GNL1: variants seen among roughly 807,000 people sequenced by gnomAD.
GNL1 encodes G protein nucleolar 1, also known as guanine nucleotide-binding protein-like 1.
A neutral mutation model predicts 75.2 loss-of-function variants in GNL1; 21 were observed. The observed-to-expected ratio is 0.28, with a 90% CI of 0.20 to 0.40. The LOEUF is 0.40. GNL1 is among the 10% of genes least tolerant of loss of function. GNL1 has a pLI of 1.00. For synonymous variants in GNL1, 287 were observed against 303.4 expected (o/e 0.95, Z 0.56); for missense variants, 579 against 775.0 (o/e 0.75, Z 3.00).
Position 30,555,563 on chromosome 6 carries a change from G to A in GNL1, c.231C>T (p.Asp77=), listed in dbSNP as rs564589744. 7 of 1,613,270 alleles carry A rather than the reference G, an allele frequency of 4.3e-6. No individual in the cohort carries two copies. The South Asian group carries it at 7.7e-5, about 18-fold the overall frequency. ...CCCCCTCCCACCCTCACCGATTTGGGTCGTAGCCTCGTGGACCCAGCCCCT... is the reference window on the plus strand; with the variant it reads ...CCCCCTCCCACCCTCACCGATTTGGATCGTAGCCTCGTGGACCCAGCCCCT... ...PSQGLGPRGY[D]PNRYRLHFER... Residue 77 remains aspartate, a synonymous_variant, in exon 2 of 12, where the codon GAC becomes GAT. Transcript: ENST00000376621. The surrounding 1 kb of genome is among the most constrained non-coding windows in gnomAD (Gnocchi z 4.3).
At position 30,552,406 on chromosome 6, in the gene GNL1, C is replaced by G; in HGVS notation, c.1099+61G>C. 1 of 1,407,684 alleles carries G rather than the reference C, an allele frequency of 7.1e-7. No individual in the cohort carries two copies. The highest frequency in any genetic ancestry group is 9.9e-7 in the Non-Finnish European group (1 of 1,009,578). 87.2% of individuals were successfully genotyped at this position (1,407,684 alleles called of 1,614,324 possible). ...GAGACCTGATCGCCCTCTCTCTTCT[C>G]CGAATATGAAAACTCTGTACCTCCT... On this transcript the variant is annotated intron_variant, in intron 8 of 11. Transcript: ENST00000376621. This position sits in a 1 kb window ranked among gnomAD's most constrained non-coding sequence, Gnocchi z 4.5.
Position 30,546,474 on chromosome 6 carries a change from T to C in GNL1, c.1583-161A>G, listed in dbSNP as rs1308996471. On this transcript the variant is annotated intron_variant, in intron 11 of 11. Coordinates refer to ENST00000376621, the MANE Select transcript of GNL1 (RefSeq NM_005275.5). This position sits in a 1 kb window ranked among gnomAD's most constrained non-coding sequence, Gnocchi z 5.1. The stretch of plus-strand genomic sequence containing the variant: ...ATTCAACTTCCTATGTGCAGATTGC[T>C]GAACAGAACCTTTGTGCACATCAAC... The C allele has an allele frequency of 1.5e-6, 1 of 680,174 alleles. No homozygotes were observed. The highest frequency in any genetic ancestry group is 1.7e-5 in the South Asian group (1 of 59,322). The allele number at this position is 680,174 out of a possible 1,614,324, so 42.1% of individuals were successfully genotyped here.
Position 30,553,160 on chromosome 6 carries a change from C to T in GNL1, c.828G>A (p.Arg276=). The change falls in exon 7 of 12, where the codon AGG becomes AGA. Residue 276 remains arginine, a synonymous_variant. Coordinates refer to ENST00000376621, the MANE Select transcript of GNL1 (RefSeq NM_005275.5). The stretch of plus-strand genomic sequence containing the variant: ...GGGCCCGAGTCCATCCTCTCCCCCG[C>T]CTCCGACTCTTCTTCAAGACTGAGA... ...DPSSVLKKSR[R]RGRGWTRALG... 6.2e-7 allele frequency: 1 copy of T among 1,613,436 alleles called. No individual in the cohort carries two copies. The highest frequency in any genetic ancestry group is 8.5e-7 in the Non-Finnish European group (1 of 1,179,376).
rs1195959458 is a variant in GNL1 at position 30,553,073 on chromosome 6, G to C, written c.904+11C>G. Reference sequence around the variant, plus strand: ...ATGTCCTCCTACAGCCCTCCTCTAAGGGCCACATACCTTTCCCCACAGTGA... The same window carrying C: ...ATGTCCTCCTACAGCCCTCCTCTAACGGCCACATACCTTTCCCCACAGTGA... On this transcript the variant is annotated intron_variant, in intron 7 of 11. Coordinates refer to ENST00000376621, the MANE Select transcript of GNL1 (RefSeq NM_005275.5). 2.1e-5 allele frequency: 34 copies of C among 1,590,008 alleles called. No homozygotes were observed. The highest frequency in any genetic ancestry group is 2.9e-5 in the Non-Finnish European group (34 of 1,159,020).
chr6:30,554,697 C>G, intron 4 of GNL1, 51 bp from the exon 5 acceptor site: 1 of 1,596,290 alleles, frequency 6.3e-7, no homozygotes, highest in Non-Finnish European at 8.6e-7. Flanking sequence ...CCCTCTCCAG[C>G]CTGATCCCAA....
Position 30,554,559 on chromosome 6 carries a change from T to A in GNL1, c.600+16A>T. 1 of 1,513,866 alleles carries A rather than the reference T, an allele frequency of 6.6e-7. No homozygotes were observed. Among genetic ancestry groups the A allele is most frequent in the Non-Finnish European group, 9.2e-7 (1 of 1,089,528 alleles). 93.8% of individuals were successfully genotyped at this position (1,513,866 alleles called of 1,614,324 possible). On this transcript the variant is annotated intron_variant, in intron 5 of 11. Coordinates refer to ENST00000376621, the MANE Select transcript of GNL1 (RefSeq NM_005275.5). ...TTTCTCCCTCCTCCTTGCCCACCCT[T>A]ATCCCTAGTACTCACTGGATGTCGG...
At position 30,547,808 on chromosome 6, in the gene GNL1, A is replaced by G; in HGVS notation, c.1100-278T>C. On this transcript the variant is annotated intron_variant, in intron 8 of 11. Transcript: ENST00000376621. The surrounding 1 kb of genome is among the most constrained non-coding windows in gnomAD (Gnocchi z 5.5). Reference sequence around the variant, plus strand: ...TGGTCAGGATTAAATGAGATAACCAATACAACTTGTGTGGGTCAGTGCCTG... The same window carrying G: ...TGGTCAGGATTAAATGAGATAACCAGTACAACTTGTGTGGGTCAGTGCCTG... 2.0e-6 allele frequency: 1 copy of G among 501,804 alleles called. No individual in the cohort carries two copies. The highest frequency in any genetic ancestry group is 3.5e-6 in the Non-Finnish European group (1 of 286,914). The allele number at this position is 501,804 out of a possible 1,614,324, so 31.1% of individuals were successfully genotyped here.
rs1165174474 is a variant in GNL1 at position 30,555,167 on chromosome 6, G to C, written c.264C>G (p.Asp88Glu). 2 of 1,612,822 alleles carry C rather than the reference G, an allele frequency of 1.2e-6. No individual in the cohort carries two copies. The highest frequency in any genetic ancestry group is 1.1e-5 in the South Asian group (1 of 91,078). The change falls in exon 3 of 12, where the codon GAC becomes GAG. Residue 88 changes from aspartate to glutamate, a missense_variant. By Grantham distance (45) the Asp-to-Glu change is conservative. Coordinates refer to ENST00000376621, the MANE Select transcript of GNL1 (RefSeq NM_005275.5). This position sits in a 1 kb window ranked among gnomAD's most constrained non-coding sequence, Gnocchi z 4.3. The stretch of plus-strand genomic sequence containing the variant: ...TTCTCCTCTCTACCTCCTCCCTGCT[G>C]TCTCTCTCAAAATGCAGTCGGTATC... ...PNRYRLHFER[D>E]SREEVERRKR...
rs1435138987 is a variant in GNL1 at position 30,553,542 on chromosome 6, G to A, written c.616C>T (p.Pro206Ser). The change falls in exon 6 of 12, where the codon CCA (proline) becomes TCA (serine). Residue 206 changes from proline (P) to serine (S), a missense_variant. Transcript: ENST00000376621. ...CCAGTCACATACTCATAAAGTGCTG[G>A]CGGGAAATTCACAACCTAGGACAGA... ...DIRHPVVNFP[P>S]ALYEYVTGEL... 31 of 1,612,246 alleles carry A rather than the reference G, an allele frequency of 1.9e-5. No homozygotes were observed. The highest frequency in any genetic ancestry group is 2.5e-5 in the Non-Finnish European group (30 of 1,179,430).
chr6:30,553,367 G>A lies in GNL1; in HGVS notation c.791C>T (p.Pro264Leu), dbSNP rs759118409. The A allele has an allele frequency of 9.1e-5, 146 of 1,611,774 alleles. No homozygotes were observed. Among genetic ancestry groups the A allele is most frequent in the Non-Finnish European group, 1.2e-4 (145 of 1,179,714 alleles). Residue 264 changes from proline to leucine, a missense_variant, in exon 6 of 12, where the codon CCA (proline) becomes CTA (leucine). Transcript: ENST00000376621. ...FTSFPRDPRT[P>L]QDPSSVLKKS... ...CCACTCACCACTACTAGGGTCCTGTGGGGTGCGGGGGTCCCGAGGAAAAGA... is the reference window on the plus strand; with the variant it reads ...CCACTCACCACTACTAGGGTCCTGTAGGGTGCGGGGGTCCCGAGGAAAAGA...
In GNL1 at chr6:30,541,564, AT is replaced by A; in HGVS notation, c.*4507del. 6.6e-6 allele frequency: 1 copy of A among 152,302 alleles called. No homozygotes were observed. The highest frequency in any genetic ancestry group is 2.1e-4 in the South Asian group (1 of 4,834). 9.4% of individuals were successfully genotyped at this position (152,302 alleles called of 1,614,324 possible). A position where few individuals can be genotyped will look rare whatever the true frequency, so the allele number is the denominator to read the frequency against. On this transcript the variant is annotated 3_prime_UTR_variant, in exon 12 of 12. Coordinates refer to ENST00000376621, the MANE Select transcript of GNL1 (RefSeq NM_005275.5). ...GATTCCAAGGTAATTTAAACAGGCA[AT>A]TTCAGAGTGCTTCAAGATGAAGGCG...
Position 30,545,149 on chromosome 6 carries a change from T to C in GNL1, c.*923A>G, listed in dbSNP as rs1799377122. On this transcript the variant is annotated 3_prime_UTR_variant, in exon 12 of 12. Coordinates refer to ENST00000376621, the MANE Select transcript of GNL1 (RefSeq NM_005275.5). The stretch of plus-strand genomic sequence containing the variant: ...CACCCCCAAACCAGAGTAAATGGAA[T>C]TCAGGAGGCTGGTTCTGTGCCCGCC... 1 of 152,188 alleles carries C rather than the reference T, an allele frequency of 6.6e-6. No individual in the cohort carries two copies. The highest frequency in any genetic ancestry group is 2.1e-4 in the South Asian group (1 of 4,828). 9.4% of individuals were successfully genotyped at this position (152,188 alleles called of 1,614,324 possible).
chr6:30,556,029 C>G lies in GNL1; in HGVS notation c.73+102G>C, dbSNP rs1460771849. On this transcript the variant is annotated intron_variant, in intron 1 of 11. Transcript: ENST00000376621. The surrounding 1 kb of genome is among the most constrained non-coding windows in gnomAD (Gnocchi z 5.7). ...TAGGCCGCGAGGGTTGACGCGGTCC[C>G]ACGACCCCCTCCCACGATCCCCAGA... 2.8e-6 allele frequency: 4 copies of G among 1,432,906 alleles called. No homozygotes were observed. The highest frequency in any genetic ancestry group is 3.9e-6 in the Non-Finnish European group (4 of 1,036,158). The allele number at this position is 1,432,906 out of a possible 1,614,324, so 88.8% of individuals were successfully genotyped here.
Position 30,556,171 on chromosome 6 carries a change from C to T in GNL1, c.33G>A (p.Gln11=), listed in dbSNP as rs762467666. 1.9e-6 allele frequency: 3 copies of T among 1,605,788 alleles called. No individual in the cohort carries two copies. The Admixed American group carries it at 5.0e-5, about 27-fold the overall frequency. The change falls in exon 1 of 12, where the codon CAG becomes CAA. Residue 11 remains glutamine (Q), a synonymous_variant. Transcript: ENST00000376621. The surrounding 1 kb of genome is among the most constrained non-coding windows in gnomAD (Gnocchi z 5.7). MPRKKPFSVK[Q]KKKQLQDKRE... ...GTTTGTCCTGCAACTGCTTCTTCTT[C>T]TGCTTCACGCTGAATGGCTTCTTCC...
Position 30,554,663 on chromosome 6 carries a change from AG to A in GNL1, c.529-18del. 6.2e-7 allele frequency: 1 copy of A among 1,603,112 alleles called. No homozygotes were observed. The highest frequency in any genetic ancestry group is 8.5e-7 in the Non-Finnish European group (1 of 1,170,856). ...CCTCCATGTCTAAAAAGACAGGATC[AG>A]GAAGAGAAACTGAAAACAGAGTCCC... is the stretch of plus-strand genomic sequence containing the variant. On this transcript the variant is annotated intron_variant, in intron 4 of 11. Coordinates refer to ENST00000376621, the MANE Select transcript of GNL1 (RefSeq NM_005275.5).
intron 5 of GNL1, 98 bp downstream of exon 5, chr6:30,554,477 A>C (rs1800006025): frequency 1.3e-6 from 1 of 783,358 alleles, no homozygotes; most frequent in Admixed American, 1.7e-5. Context: ...AAAGACAGGA[A>C]GATAGATACC....
At position 30,547,154 on chromosome 6, in the gene GNL1, G is replaced by A. The variant is rs1485374550; in HGVS notation, c.1399C>T (p.Pro467Ser). 1.2e-6 allele frequency: 2 copies of A among 1,612,474 alleles called. No individual in the cohort carries two copies. The highest frequency in any genetic ancestry group is 2.7e-5 in the African/African-American group (2 of 74,922). The change falls in exon 10 of 12, where the codon CCC becomes TCC. Residue 467 changes from proline to serine, a missense_variant. Coordinates refer to ENST00000376621, the MANE Select transcript of GNL1 (RefSeq NM_005275.5). The surrounding 1 kb of genome is among the most constrained non-coding windows in gnomAD (Gnocchi z 5.5). ...GCACACCAGGGGTGTTCCGCTGAGG[G>A]GTCCTCAGCCTCTGGGTGGCGCAGG... Reference protein sequence around the residue: ...LHLRHPEAEDPSAEHPWCAWD... With the variant: ...LHLRHPEAEDSSAEHPWCAWD...
At position 30,546,122 on chromosome 6, in the gene GNL1, T is replaced by A. The variant is rs1799432650; in HGVS notation, c.1774A>T (p.Ser592Cys). 6.3e-7 allele frequency: 1 copy of A among 1,578,232 alleles called. No individual in the cohort carries two copies. Among genetic ancestry groups the A allele is most frequent in the African/African-American group, 1.3e-5 (1 of 74,144 alleles). Reference protein sequence around the residue: ...EETPTSAPGSSLAGRNPYALL... With the variant: ...EETPTSAPGSCLAGRNPYALL... ...GCATAAGGGTTTCGGCCAGCCAGGC[T>A]GGACCCTGGAGCCGAGGTTGGGGTC... Residue 592 changes from serine (S) to cysteine (C), a missense_variant, in exon 12 of 12, where the codon AGC becomes TGC. Ser to Cys is a moderately radical substitution (Grantham distance 112, BLOSUM62 -1). Coordinates refer to ENST00000376621, the MANE Select transcript of GNL1 (RefSeq NM_005275.5). The surrounding 1 kb of genome is among the most constrained non-coding windows in gnomAD (Gnocchi z 5.1).
At position 30,546,236 on chromosome 6, in the gene GNL1, C is replaced by T; in HGVS notation, c.1660G>A (p.Glu554Lys). The change falls in exon 12 of 12, where the codon GAG becomes AAG. Residue 554 changes from glutamate to lysine, a missense_variant. Physicochemically the swap from Glu to Lys is moderately conservative, Grantham distance 56. Coordinates refer to ENST00000376621, the MANE Select transcript of GNL1 (RefSeq NM_005275.5). This position sits in a 1 kb window ranked among gnomAD's most constrained non-coding sequence, Gnocchi z 5.1. ...CTGCTCAGCTCTTCCTCTTCCTCCT[C>T]CTCCTCGTCACCTGCTGGCCCCACC... is the stretch of plus-strand genomic sequence containing the variant. ...GRVGPAGDEE[E>K]EEEEELSSSC... 6.3e-7 allele frequency: 1 copy of T among 1,576,146 alleles called. No individual in the cohort carries two copies. Among genetic ancestry groups the T allele is most frequent in the Non-Finnish European group, 8.6e-7 (1 of 1,158,076 alleles).
Sources: allele counts gnomAD v4.1 joint callset, GRCh38; gene constraint gnomAD v4.1.1; non-coding constraint Gnocchi (gnomAD v3.1); transcripts MANE v1.5; gene names NCBI Gene and HGNC (gene_info 2026-07-23, HGNC 2026-07-21).